Variants in RNF115 observed in about 807,000 individuals in gnomAD.
RNF115 encodes the protein ring finger protein 115, also known as E3 ubiquitin-protein ligase RNF115.
Under a neutral mutation model 39.2 loss-of-function variants are expected in RNF115, and 31 were observed. The ratio of observed to expected loss-of-function variants is 0.79; its 90% CI spans 0.59 to 1.07. RNF115 has a LOEUF of 1.07. Among genes scored for constraint, RNF115 ranks in the 50% least tolerant of loss-of-function variants. The pLI, the probability that RNF115 is intolerant of heterozygous loss-of-function variation, is 0.00. For synonymous variants in RNF115, 124 were observed against 131.0 expected (o/e 0.95, Z 0.37); for missense variants, 384 against 381.7 (o/e 1.01, Z -0.05).
At chr1:145,771,318 G>T (rs185559439) in intron 4 of RNF115, among the ~76,000 whole-genome samples, 3 of 152,280 alleles carry the variant, frequency 2.0e-5, no homozygotes, top group African/African-American at 7.2e-5. Context: ...TTCCAACATG[G>T]AATGACACAG....
chr1:145,804,574 A>G (rs1414616742), intron 1 of RNF115, among the ~76,000 whole-genome samples: 1 of 152,002 alleles, frequency 6.6e-6, no homozygotes, highest in Admixed American at 6.6e-5. Flanking sequence ...GTTGTGTGAC[A>G]CTGGGTAGCT....
chr1:145,746,826 G>C lies in RNF115; in HGVS notation c.*40C>G, dbSNP rs781836996. ...TTGATACAATTTACAGCTATGGTAA[G>C]ATGATTACCACAGCCCTGATTCAGG... On this transcript the variant is annotated 3_prime_UTR_variant, in exon 9 of 9. Transcript: ENST00000582693. 6.3e-7 allele frequency: 1 copy of C among 1,598,336 alleles called. No homozygotes were observed. The highest frequency in any genetic ancestry group is 8.6e-7 in the Non-Finnish European group (1 of 1,169,570).
intron 4 of RNF115, among the ~76,000 whole-genome samples, chr1:145,767,780 G>C (rs956637730): frequency 1.2e-4 from 18 of 152,376 alleles, no homozygotes; most frequent in Admixed American, 1.1e-3. Flanking sequence ...AGACCAGCCC[G>C]GCCAACACAG....
intron 4 of RNF115, among the ~76,000 whole-genome samples, chr1:145,763,539 A>C (rs1658614502): frequency 6.6e-6 from 1 of 152,130 alleles, no homozygotes; most frequent in Admixed American, 6.5e-5. Flanking sequence ...CTCTACTAAA[A>C]ATACAAAAAA....
intron 4 of RNF115, among the ~76,000 whole-genome samples, chr1:145,765,896 A>G (rs1647232312): frequency 6.6e-6 from 1 of 152,224 alleles, no homozygotes; most frequent in Non-Finnish European, 1.5e-5. Flanking sequence ...AATGGACCTC[A>G]TTTCAGGGAA....
chr1:145,804,048 T>C (rs587743084), intron 1 of RNF115, among the ~76,000 whole-genome samples: 2 of 152,350 alleles, frequency 1.3e-5, no homozygotes, highest in Admixed American at 1.3e-4. Flanking sequence ...AAAGTATAGA[T>C]GTTTAGCTCT....
In RNF115 at chr1:145,746,188, T is replaced by C. The variant is rs781950619; in HGVS notation, c.*678A>G. The stretch of plus-strand genomic sequence containing the variant: ...TTGCAATGAGCCAAGATCGTGCCAC[T>C]GCACTTCAGCCTAGGCGACAGAGCG... On this transcript the variant is annotated 3_prime_UTR_variant, in exon 9 of 9. Transcript: ENST00000582693. 4.6e-5 allele frequency: 7 copies of C among 150,662 alleles called. No homozygotes were observed. Among genetic ancestry groups the C allele is most frequent in the Non-Finnish European group, 8.8e-5 (6 of 67,876 alleles). The allele number at this position is 150,662 out of a possible 1,614,324, so 9.3% of individuals were successfully genotyped here.
In RNF115 at chr1:145,741,667, A is replaced by G. The variant is rs1368532781; in HGVS notation, c.*5199T>C. The G allele has an allele frequency of 1.3e-5, 2 of 152,306 alleles. No individual in the cohort carries two copies. Among genetic ancestry groups the G allele is most frequent in the Non-Finnish European group, 1.5e-5 (1 of 68,070 alleles). The allele number at this position is 152,306 out of a possible 1,614,324, so 9.4% of individuals were successfully genotyped here. A position where few individuals can be genotyped will look rare whatever the true frequency, so the allele number is the denominator to read the frequency against. On this transcript the variant is annotated 3_prime_UTR_variant, in exon 9 of 9. Coordinates refer to ENST00000582693, the MANE Select transcript of RNF115 (RefSeq NM_014455.4). ...ATTCTCAACAAGAGGACTCTATCCTATAAGTCGTCCCCAATCCCCAGATCT... is the reference window on the plus strand; with the variant it reads ...ATTCTCAACAAGAGGACTCTATCCTGTAAGTCGTCCCCAATCCCCAGATCT...
intron 4 of RNF115, among the ~76,000 whole-genome samples, chr1:145,767,666 A>T (rs587629113): frequency 1.8e-4 from 28 of 152,240 alleles, no homozygotes; most frequent in South Asian, 8.3e-4. Context: ...ACGCCACTGC[A>T]CTCCAGCCTG....
chr1:145,766,285 A>G (rs1647271855), intron 4 of RNF115, among the ~76,000 whole-genome samples: 2 of 152,296 alleles, frequency 1.3e-5, no homozygotes, highest in Admixed American at 1.3e-4. Context: ...GACACAGCAC[A>G]TGTTTCAGAG....
chr1:145,756,028 T>C (rs977879752), intron 4 of RNF115, among the ~76,000 whole-genome samples: 2 of 152,168 alleles, frequency 1.3e-5, no homozygotes, highest in Non-Finnish European at 2.9e-5. Flanking sequence ...AATTATATAA[T>C]TCTGAGAATT....
chr1:145,793,085 G>A (rs1553719217), intron 1 of RNF115, among the ~76,000 whole-genome samples: 1 of 152,204 alleles, frequency 6.6e-6, no homozygotes, highest in African/African-American at 2.4e-5. Context: ...TTGGGAGGCT[G>A]AGGCAGGAAG....
intron 1 of RNF115, among the ~76,000 whole-genome samples, chr1:145,794,494 ATCTC>A (rs1472532728): frequency 7.2e-6 from 1 of 139,776 alleles, no homozygotes; most frequent in Non-Finnish European, 1.5e-5. Flanking sequence ...GGGGCATCTA[ATCTC>A]TTTCTTTTTT....
At chr1:145,814,651 C>T (rs1374322912) in intron 1 of RNF115, among the ~76,000 whole-genome samples, 1 of 151,866 alleles carries the variant, frequency 6.6e-6, no homozygotes, top group Admixed American at 6.6e-5. Flanking sequence ...TGGTACTTCC[C>T]CCGAAAATAC....
chr1:145,781,463 T>C (rs1481047378), intron 3 of RNF115, among the ~76,000 whole-genome samples: 2 of 152,144 alleles, frequency 1.3e-5, no homozygotes, highest in African/African-American at 4.8e-5. Flanking sequence ...TTTGAGATAA[T>C]TTTCACATCT....
chr1:145,771,614 A>G, intron 4 of RNF115, 97 bp downstream of exon 4: 1 of 947,696 alleles, frequency 1.1e-6, no homozygotes, highest in Non-Finnish European at 1.6e-6. Context: ...TCTTGTCCAC[A>G]AAGGTAATAA....
At chr1:145,789,087 A>C in intron 1 of RNF115, 121 bp from the exon 2 acceptor site, 1 of 635,112 alleles carries the variant, frequency 1.6e-6, no homozygotes, top group Non-Finnish European at 2.7e-6. Flanking sequence ...GTACTCGCTG[A>C]CTCAAGTAGT....
intron 1 of RNF115, among the ~76,000 whole-genome samples, chr1:145,800,598 T>G (rs1229091228): frequency 6.6e-6 from 1 of 152,172 alleles, no homozygotes; most frequent in African/African-American, 2.4e-5. Context: ...ACTACTCTGC[T>G]GGATAAAGAG....
Position 145,741,897 on chromosome 1 carries a change from T to G in RNF115, c.*4969A>C, listed in dbSNP as rs1159175369. The stretch of plus-strand genomic sequence containing the variant: ...TGCTGAGGTCGGTGATCACTTGACA[T>G]CAGGAGTTCGAGACCAGCCTGGGCA... On this transcript the variant is annotated 3_prime_UTR_variant, in exon 9 of 9. Transcript: ENST00000582693. 1 of 152,152 alleles carries G rather than the reference T, an allele frequency of 6.6e-6. No individual in the cohort carries two copies. The highest frequency in any genetic ancestry group is 1.5e-5 in the Non-Finnish European group (1 of 68,084). The allele number at this position is 152,152 out of a possible 1,614,324, so 9.4% of individuals were successfully genotyped here.
Sources: gnomAD v4.1 joint callset for allele counts (sites outside exome capture counted in the v4.1 genomes callset) on GRCh38, gnomAD v4.1.1 for gene constraint, MANE v1.5 for transcripts, NCBI Gene and HGNC (gene_info 2026-07-23, HGNC 2026-07-21) for gene names.